The following TOX2 variants were observed in gnomAD, a reference collection of about 807,000 sequenced individuals.
The protein encoded by TOX2 is granulosa cell HMG box 1.
In TOX2, 15 loss-of-function variants were observed where a neutral mutation model predicts 47.4. The observed-to-expected ratio is 0.32, with a 90% CI of 0.21 to 0.49. The LOEUF (loss-of-function observed/expected upper bound fraction) is 0.49, where lower values mean the gene tolerates loss of function less well. Among genes scored for constraint, TOX2 ranks in the 20% least tolerant of loss-of-function variants. The probability of loss-of-function intolerance (pLI) is 0.99; values close to 1 mark genes in which losing one functional copy is unlikely to be tolerated. For missense variants in TOX2, 622 were observed against 673.1 expected, an observed-to-expected ratio of 0.92 and a Z score of 0.84; for synonymous variants, 290 against 296.6, an observed-to-expected ratio of 0.98 and a Z score of 0.23.
Position 43,916,344 on chromosome 20 carries a change from C to T in TOX2, c.99+1354C>T. 1.6e-6 allele frequency: 1 copy of T among 635,802 alleles called. No individual in the cohort carries two copies. Among genetic ancestry groups the T allele is most frequent in the Non-Finnish European group, 2.0e-6 (1 of 510,516 alleles). The allele number at this position is 635,802 out of a possible 1,614,324, so 39.4% of individuals were successfully genotyped here. ...GGCGCGGATCCCGGGGCCTCCCGGG[C>T]TGGGCCTCCCTGAGTGCGCCCTCAG... On this transcript the variant is annotated intron_variant, in intron 1 of 8. Coordinates refer to ENST00000341197, the MANE Select transcript of TOX2 (RefSeq NM_001098797.2). This position sits in a 1 kb window ranked among gnomAD's most constrained non-coding sequence, Gnocchi z 5.0.
chr20:43,996,732 C>A (rs901761513), intron 2 of TOX2, among the ~76,000 whole-genome samples: 10 of 151,962 alleles, frequency 6.6e-5, no homozygotes, highest in African/African-American at 2.4e-4. Flanking sequence ...ATTCTCTCAG[C>A]TCTTAGGTGG....
intron 5 of TOX2, among the ~76,000 whole-genome samples, chr20:44,060,712 C>A (rs572201887): frequency 6.6e-6 from 1 of 150,542 alleles, no homozygotes; most frequent in Non-Finnish European, 1.5e-5. Flanking sequence ...TTGAACTGAA[C>A]GATAATAGTG....
chr20:44,001,719 A>G (rs6073279), intron 2 of TOX2, among the ~76,000 whole-genome samples: 105,935 of 152,032 alleles, frequency 0.7, 37,391 homozygotes, highest in African/African-American at 0.8. Context: ...CTATTTTAAC[A>G]GTGCTGAGGG....
intron 2 of TOX2, among the ~76,000 whole-genome samples, chr20:43,988,090 T>C (rs922156621): frequency 6.6e-6 from 1 of 151,924 alleles, no homozygotes; most frequent in African/African-American, 2.4e-5. Flanking sequence ...CAGCTAATTT[T>C]TGTATTTTTA....
At chr20:44,018,778 G>A (rs371448968) in intron 3 of TOX2, among the ~76,000 whole-genome samples, 5 of 152,272 alleles carry the variant, frequency 3.3e-5, no homozygotes, top group South Asian at 4.1e-4. Context: ...GGCTGGGAGC[G>A]TTTCCAGGAC....
intron 2 of TOX2, among the ~76,000 whole-genome samples, chr20:43,983,058 G>A (rs1048358609): frequency 2.0e-5 from 3 of 151,842 alleles, no homozygotes; most frequent in Admixed American, 6.5e-5. Context: ...TCTGGGGTGC[G>A]GTGTGTGCCA....
At position 43,924,568 on chromosome 20, in the gene TOX2, G is replaced by T. The variant is rs532074345; in HGVS notation, c.99+9578G>T. ...TGTCTAGTTCAACAAGAGGCCATCT[G>T]CCCTGCCCAGCCTCAATGCAGGTCA... On this transcript the variant is annotated intron_variant, in intron 1 of 8. Transcript: ENST00000341197. Among the ~76,000 whole-genome samples the T allele has an allele frequency of 3.8e-3, 586 of 152,270 alleles. 3 individuals carry two copies. Among genetic ancestry groups the T allele is most frequent in the African/African-American group, 0.013 (560 of 41,548 alleles).
intron 1 of TOX2, among the ~76,000 whole-genome samples, chr20:43,957,434 C>A (rs548592169): frequency 6.6e-6 from 1 of 152,208 alleles, no homozygotes; most frequent in African/African-American, 2.4e-5. Flanking sequence ...GCTATGAGCA[C>A]GTTGCTTAAA....
chr20:44,028,857 G>A (rs1355889024), intron 3 of TOX2, among the ~76,000 whole-genome samples: 1 of 152,158 alleles, frequency 6.6e-6, no homozygotes, highest in Non-Finnish European at 1.5e-5. Context: ...TGTGACCAAG[G>A]GCAGCCAGTT....
chr20:44,043,552 G>A (rs1438973347), intron 3 of TOX2, among the ~76,000 whole-genome samples: 5 of 152,148 alleles, frequency 3.3e-5, no homozygotes, highest in Non-Finnish European at 5.9e-5. Context: ...TTGTCTTTGA[G>A]TTCATCTGCA....
chr20:43,958,385 A>G (rs35450651), intron 1 of TOX2, among the ~76,000 whole-genome samples: 22,230 of 152,086 alleles, frequency 0.15, 2,013 homozygotes, highest in Admixed American at 0.29. Context: ...AGTGACTTCT[A>G]GACACCCCTT....
At chr20:44,000,680 G>A (rs1356741264) in intron 2 of TOX2, among the ~76,000 whole-genome samples, 1 of 152,082 alleles carries the variant, frequency 6.6e-6, no homozygotes, top group African/African-American at 2.4e-5. Flanking sequence ...TGTGTTTAGA[G>A]GAGGGTATAA....
chr20:44,002,536 A>G (rs953629945), intron 2 of TOX2, among the ~76,000 whole-genome samples: 2 of 152,202 alleles, frequency 1.3e-5, no homozygotes, highest in Non-Finnish European at 2.9e-5. Context: ...TTTCTCACAC[A>G]TGAGGAAACT....
chr20:43,934,007 G>T (rs1317455505), intron 1 of TOX2, among the ~76,000 whole-genome samples: 1 of 152,030 alleles, frequency 6.6e-6, no homozygotes, highest in African/African-American at 2.4e-5. Context: ...TGCGTGTGCT[G>T]CAGGTTCACA....
intron 3 of TOX2, among the ~76,000 whole-genome samples, chr20:44,012,670 G>C (rs2070797852): frequency 1.3e-5 from 2 of 152,288 alleles, no homozygotes; most frequent in South Asian, 4.1e-4. Flanking sequence ...ATGAAATGGG[G>C]ATTGGGATTT....
chr20:44,027,333 A>T (rs2071082452), intron 3 of TOX2, among the ~76,000 whole-genome samples: 1 of 152,044 alleles, frequency 6.6e-6, no homozygotes, highest in African/African-American at 2.4e-5. Context: ...CCTCCTTCTT[A>T]TGTTTCCCCG....
At chr20:44,026,282 C>G (rs1426671415) in intron 3 of TOX2, among the ~76,000 whole-genome samples, 1 of 117,556 alleles carries the variant, frequency 8.5e-6, no homozygotes, top group Non-Finnish European at 1.8e-5. Flanking sequence ...TACTACTCAG[C>G]CATAAAAAGG....
At chr20:44,039,178 C>T (rs1343247874) in intron 3 of TOX2, 19 of 1,269,646 alleles carry the variant, frequency 1.5e-5, no homozygotes, top group Non-Finnish European at 1.5e-5. Context: ...GAGGGTGAGG[C>T]CAGAGGATGG....
At chr20:43,978,886 T>C (rs971858160) in intron 2 of TOX2, among the ~76,000 whole-genome samples, 4 of 151,474 alleles carry the variant, frequency 2.6e-5, no homozygotes, top group Non-Finnish European at 5.9e-5. Flanking sequence ...GGAGACCAAG[T>C]TGAGAGGGTT....
Sources: gnomAD v4.1 joint callset for allele counts (sites outside exome capture counted in the v4.1 genomes callset) on GRCh38, gnomAD v4.1.1 for gene constraint, Gnocchi (gnomAD v3.1) non-coding constraint, MANE v1.5 for transcripts, NCBI Gene and HGNC (gene_info 2026-07-23, HGNC 2026-07-21) for gene names.